Variants in MPND observed in about 807,000 individuals in gnomAD.
MPND encodes the protein MPN domain containing, also known as MPN domain-containing protein.
MPND carries 56 observed loss-of-function variants against 59.2 expected under a neutral mutation model. That is an observed-to-expected ratio of 0.95 (90% CI 0.76 to 1.18). MPND has a LOEUF of 1.18. Ranked by LOEUF, MPND falls within the 50% of genes most tolerant of loss-of-function variation. The pLI, the probability that MPND is intolerant of heterozygous loss-of-function variation, is 0.00. For synonymous variants in MPND, 323 were observed against 291.9 expected (o/e 1.11, Z -1.09); for missense variants, 671 against 676.0 (o/e 0.99, Z 0.08).
At chr19:4,347,173 G>C (rs143889371) in intron 3 of MPND, 65 of 151,404 alleles carry the variant, frequency 4.3e-4, no homozygotes, top group African/African-American at 1.5e-3. Context: ...TGCTGTTATC[G>C]CCTTCAACTG....
Position 4,355,274 on chromosome 19 carries a change from C to T in MPND, c.996+101C>T, listed in dbSNP as rs941504584. On this transcript the variant is annotated intron_variant, in intron 8 of 12. Coordinates refer to ENST00000599840, the MANE Select transcript of MPND (RefSeq NM_001300862.2). The stretch of plus-strand genomic sequence containing the variant: ...GCTGGCAGTGTCATCACCCAGCAAC[C>T]GTGCAGGTGAGCATGCCCGTCTGTG... 2.4e-5 allele frequency: 30 copies of T among 1,231,788 alleles called. 1 individual carries two copies. Among genetic ancestry groups the T allele is most frequent in the Middle Eastern group, 2.7e-4 (1 of 3,662 alleles). The allele number at this position is 1,231,788 out of a possible 1,614,324, so 76.3% of individuals were successfully genotyped here.
rs906100468 is a variant in MPND at position 4,359,323 on chromosome 19, G to A, written c.1419+68G>A. 5.6e-6 allele frequency: 7 copies of A among 1,241,846 alleles called. No homozygotes were observed. The East Asian group carries it at 1.6e-4, about 29-fold the overall frequency. The allele number at this position is 1,241,846 out of a possible 1,614,324, so 76.9% of individuals were successfully genotyped here. A position where few individuals can be genotyped will look rare whatever the true frequency, so the allele number is the denominator to read the frequency against. On this transcript the variant is annotated intron_variant, in intron 12 of 12. Coordinates refer to ENST00000599840, the MANE Select transcript of MPND (RefSeq NM_001300862.2). ...AGAGGCCCCCTGGGCAGCCTAAAAG[G>A]TGGCAGCAATGAGCCCCGTGGGCCT...
rs957205970 is a variant in MPND at position 4,352,800 on chromosome 19, A to G, written c.532-97A>G. On this transcript the variant is annotated intron_variant, in intron 3 of 12. Coordinates refer to ENST00000599840, the MANE Select transcript of MPND (RefSeq NM_001300862.2). The stretch of plus-strand genomic sequence containing the variant: ...GTGGTCATGTGGGGCAATGGCACTT[A>G]CGGCTTAGGCCAAAGGGCTGGGGTG... The G allele has an allele frequency of 2.7e-5, 34 of 1,259,558 alleles. No homozygotes were observed. The African/African-American group carries it at 4.5e-4, about 16-fold the overall frequency. The allele number at this position is 1,259,558 out of a possible 1,614,324, so 78.0% of individuals were successfully genotyped here.
intron 1 of MPND, 30 bp downstream of exon 1, chr19:4,343,630 G>C (rs943908170): frequency 8.5e-5 from 97 of 1,140,366 alleles, no homozygotes; most frequent in Non-Finnish European, 9.1e-5. Flanking sequence ...GCGGAGGCGC[G>C]GGGCGCGGGG....
intron 2 of MPND, 21 bp from the exon 3 acceptor site, chr19:4,345,724 G>T (rs1972170529): frequency 6.2e-7 from 1 of 1,612,182 alleles, no homozygotes. Context: ...CCTGGGCCCA[G>T]CCAGCTGACT....
intron 11 of MPND, 156 bp downstream of exon 11, chr19:4,358,328 C>G (rs570835909): frequency 7.8e-6 from 5 of 644,250 alleles, no homozygotes; most frequent in African/African-American, 7.3e-5. Flanking sequence ...GGACAGAGTC[C>G]AGGCCCTTGC....
Position 4,345,936 on chromosome 19 carries a change from G to A in MPND, c.486G>A (p.Trp162Ter). The A allele has an allele frequency of 1.2e-6, 2 of 1,613,372 alleles. No individual in the cohort carries two copies. Among genetic ancestry groups the A allele is most frequent in the East Asian group, 2.2e-5 (1 of 44,878 alleles). Residue 162 changes from tryptophan to a stop codon, truncating the protein, a stop_gained, in exon 3 of 13, where the codon TGG (tryptophan) becomes TGA (stop). Coordinates refer to ENST00000599840, the MANE Select transcript of MPND (RefSeq NM_001300862.2). LOFTEE classifies it high-confidence loss of function. Reference sequence around the variant, plus strand: ...AACTGGACAAGTACAAGGCCACCTGGCTCCGGCTGCACCAGCTGCACACGC... The same window carrying A: ...AACTGGACAAGTACAAGGCCACCTGACTCCGGCTGCACCAGCTGCACACGC... The part of the protein sequence containing the change: ...GQKLDKYKAT[W>*]LRLHQLHTPA...
intron 8 of MPND, chr19:4,356,953 T>G: frequency 3.5e-6 from 1 of 284,836 alleles, no homozygotes; most frequent in Non-Finnish European, 6.5e-6. Context: ...TTTTAACTGT[T>G]TGTTGAGTGC....
chr19:4,353,909 G>A (rs957774885), intron 4 of MPND, 136 bp from the exon 5 acceptor site: 1 of 700,478 alleles, frequency 1.4e-6, no homozygotes, highest in African/African-American at 1.8e-5. Flanking sequence ...GCTCCCTGCA[G>A]CCTCAACCTC....
intron 11 of MPND, 34 bp downstream of exon 11, chr19:4,358,206 G>T: frequency 1.3e-6 from 2 of 1,527,020 alleles, no homozygotes; most frequent in Non-Finnish European, 1.8e-6. Flanking sequence ...GGCAGGGGCT[G>T]GCAGTGCGCA....
rs765770557 is a variant in MPND at position 4,359,967 on chromosome 19, G to C, written c.1471G>C (p.Glu491Gln). Reference protein sequence around the residue: ...PKDQSLCHVLEQVCGVLKQGS With the variant: ...PKDQSLCHVLQQVCGVLKQGS ...GGACCAGAGCCTGTGTCACGTCCTG[G>C]AACAGGTGTGCGGCGTCCTCAAGCA... The change falls in exon 13 of 13, where the codon GAA (glutamate) becomes CAA (glutamine). Residue 491 changes from glutamate (E) to glutamine (Q), a missense_variant. Glu to Gln is a conservative substitution (Grantham distance 29). Coordinates refer to ENST00000599840, the MANE Select transcript of MPND (RefSeq NM_001300862.2). 1 of 1,573,162 alleles carries C rather than the reference G, an allele frequency of 6.4e-7. No individual in the cohort carries two copies. Among genetic ancestry groups the C allele is most frequent in the South Asian group, 1.2e-5 (1 of 85,640 alleles).
chr19:4,354,137 T>C lies in MPND; in HGVS notation c.749+8T>C, dbSNP rs1023773778. On this transcript the variant is annotated splice_region_variant and intron_variant, in intron 5 of 12. Transcript: ENST00000599840. ...CAGCCGCGACTTGGCCAGGTCAGAC[T>C]CACCCCAAGTTCTGCCCCTGCCCCA... 6.2e-7 allele frequency: 1 copy of C among 1,607,020 alleles called. No homozygotes were observed. Among genetic ancestry groups the C allele is most frequent in the African/African-American group, 1.3e-5 (1 of 74,940 alleles).
chr19:4,353,699 C>G, intron 4 of MPND: 1 of 237,366 alleles, frequency 4.2e-6, no homozygotes, highest in South Asian at 5.7e-5. Flanking sequence ...GTAACTGGGA[C>G]CACAGGTGTG....
intron 3 of MPND, chr19:4,347,796 A>G (rs912869051): frequency 6.8e-6 from 3 of 438,472 alleles, no homozygotes; most frequent in East Asian, 5.1e-5. Flanking sequence ...GACCCTTCAC[A>G]TGATCCTCCT....
intron 3 of MPND, among the ~76,000 whole-genome samples, chr19:4,350,068 G>C (rs935396324): frequency 6.6e-6 from 1 of 152,014 alleles, no homozygotes; most frequent in Admixed American, 6.6e-5. Flanking sequence ...TGGGAGTTGT[G>C]GGGGAAGAAG....
intron 8 of MPND, chr19:4,356,854 A>G (rs373705307): frequency 1.2e-3 from 193 of 161,504 alleles, no homozygotes; most frequent in South Asian, 5.3e-3. Flanking sequence ...TGGCCAGGCT[A>G]GTCTTGAACT....
rs1163032009 is a variant in MPND, at chr19:4,343,562, G to C, written c.-32G>C. On this transcript the variant is annotated 5_prime_UTR_variant, in exon 1 of 13. Coordinates refer to ENST00000599840, the MANE Select transcript of MPND (RefSeq NM_001300862.2). ...CCGCGTGACGTGCCGGGAAGCCGGA[G>C]TCTAGAGCTCCGGGCGCGGGGAGGC... The C allele has an allele frequency of 1.6e-6, 2 of 1,221,798 alleles. No homozygotes were observed. The highest frequency in any genetic ancestry group is 2.0e-6 in the Non-Finnish European group (2 of 981,516). 75.7% of individuals were successfully genotyped at this position (1,221,798 alleles called of 1,614,324 possible).
In MPND at chr19:4,359,989, A is replaced by C. The variant is rs1972550272; in HGVS notation, c.1493A>C (p.Lys498Thr). Reference protein sequence around the residue: ...HVLEQVCGVLKQGS With the variant: ...HVLEQVCGVLTQGS Reference sequence around the variant, plus strand: ...CTGGAACAGGTGTGCGGCGTCCTCAAGCAGGGGAGCTGAGCCTTCCAGGGC... The same window carrying C: ...CTGGAACAGGTGTGCGGCGTCCTCACGCAGGGGAGCTGAGCCTTCCAGGGC... Residue 498 changes from lysine (K) to threonine (T), a missense_variant, in exon 13 of 13, where the codon AAG (lysine) becomes ACG (threonine). Lys to Thr is a moderately conservative substitution (Grantham distance 78). Transcript: ENST00000599840. 1 of 1,563,936 alleles carries C rather than the reference A, an allele frequency of 6.4e-7. No homozygotes were observed. The highest frequency in any genetic ancestry group is 1.2e-5 in the South Asian group (1 of 84,894).
intron 4 of MPND, 163 bp from the exon 5 acceptor site, chr19:4,353,882 G>A (rs900855836): frequency 4.5e-5 from 28 of 615,878 alleles, no homozygotes; most frequent in South Asian, 4.1e-4. Flanking sequence ...AGGCTGGAGT[G>A]CAGTGGTGTG....
Sources: gnomAD v4.1 joint callset for allele counts (sites outside exome capture counted in the v4.1 genomes callset) on GRCh38, gnomAD v4.1.1 for gene constraint, MANE v1.5 for transcripts, NCBI Gene and HGNC (gene_info 2026-07-23, HGNC 2026-07-21) for gene names.